The following SDK1 variants were observed in gnomAD, a reference collection of about 807,000 sequenced individuals.
SDK1 encodes protein sidekick-1.
A neutral mutation model predicts 245.5 loss-of-function variants in SDK1; 157 were observed. That is an observed-to-expected ratio of 0.64 (90% CI 0.56 to 0.73). The LOEUF is 0.73. SDK1 is among the 30% of genes least tolerant of loss of function. The probability of loss-of-function intolerance (pLI) is 0.00; values close to 1 mark genes in which losing one functional copy is unlikely to be tolerated. For missense variants in SDK1, 3,583 were observed against 3,002.3 expected, an observed-to-expected ratio of 1.19 and a Z score of -4.52; for synonymous variants, 1,647 against 1,278.5, an observed-to-expected ratio of 1.29 and a Z score of -6.15.
chr7:3,350,973 G>A (rs1390680878), intron 1 of SDK1, among the ~76,000 whole-genome samples: 1 of 152,170 alleles, frequency 6.6e-6, no homozygotes, highest in Non-Finnish European at 1.5e-5. Flanking sequence ...AGTGACATCT[G>A]GTTGCCCCAA....
At chr7:3,827,302 A>G (rs530217727) in intron 5 of SDK1, among the ~76,000 whole-genome samples, 14 of 152,176 alleles carry the variant, frequency 9.2e-5, no homozygotes, top group African/African-American at 1.2e-4. Context: ...CAGTCCTTTC[A>G]TATTCACATT....
chr7:4,109,838 G>A (rs1163222108), intron 22 of SDK1, among the ~76,000 whole-genome samples: 4 of 152,168 alleles, frequency 2.6e-5, no homozygotes, highest in Non-Finnish European at 4.4e-5. Context: ...GGTGGGGCTC[G>A]GGGTCAGATT....
chr7:3,403,827 A>ATATATATATG (rs1778956958), intron 1 of SDK1, among the ~76,000 whole-genome samples: 2 of 12,310 alleles, frequency 1.6e-4, no homozygotes, highest in East Asian at 4.8e-3. Flanking sequence ...TATCTTACAT[A>ATATATATATG]TATATATATA....
rs560234015 is a variant in SDK1 at position 3,913,198 on chromosome 7, C to T, written c.848-37725C>T. On this transcript the variant is annotated intron_variant, in intron 5 of 44. Transcript: ENST00000404826. ...ATGGAAATGCCTCCAGCTCCTGGCTCGCGCTAAGCGTACCTGGTTCTCTAG... is the reference window on the plus strand; with the variant it reads ...ATGGAAATGCCTCCAGCTCCTGGCTTGCGCTAAGCGTACCTGGTTCTCTAG... Among the ~76,000 whole-genome samples the T allele has an allele frequency of 1.1e-4, 16 of 152,248 alleles. No homozygotes were observed. In the South Asian group the frequency reaches 1.9e-3, roughly 18 times the overall value.
chr7:3,905,382 A>AG lies in SDK1; in HGVS notation c.848-45539dup, dbSNP rs571335204. Among the ~76,000 whole-genome samples, 330 of 152,310 alleles carry AG rather than the reference A, an allele frequency of 2.2e-3. 2 individuals carry two copies. The highest frequency in any genetic ancestry group is 4.3e-3 in the Admixed American group (66 of 15,304). ...ATAGTCTGGATGTATATAAAACTCTAGGTTGATATTTCACTTTCTTTCAAT... is the reference window on the plus strand; with the variant it reads ...ATAGTCTGGATGTATATAAAACTCTAGGGTTGATATTTCACTTTCTTTCAAT... On this transcript the variant is annotated intron_variant, in intron 5 of 44. Transcript: ENST00000404826.
chr7:4,238,428 G>A (rs951302500), intron 42 of SDK1, among the ~76,000 whole-genome samples: 2 of 152,024 alleles, frequency 1.3e-5, no homozygotes, highest in Non-Finnish European at 2.9e-5. Flanking sequence ...TCTGGGAATG[G>A]TGGCTTATGC....
At chr7:4,146,007 G>C (rs1779949095) in intron 29 of SDK1, 91 bp downstream of exon 29, 1 of 1,156,042 alleles carries the variant, frequency 8.7e-7, no homozygotes, top group Admixed American at 2.5e-5. Flanking sequence ...TACCTGGGAG[G>C]CTTCGGCCTT....
At chr7:3,931,716 A>G (rs1443165793) in intron 5 of SDK1, among the ~76,000 whole-genome samples, 1 of 152,120 alleles carries the variant, frequency 6.6e-6, no homozygotes, top group African/African-American at 2.4e-5. Flanking sequence ...CAAAGTGCCT[A>G]GTTTTTTTCT....
intron 19 of SDK1, among the ~76,000 whole-genome samples, chr7:4,056,742 G>C (rs920813341): frequency 2.4e-4 from 36 of 152,202 alleles, no homozygotes; most frequent in African/African-American, 8.4e-4. Context: ...CCACACGCCC[G>C]AGCCCAGAGC....
chr7:3,961,081 A>G (rs1237065620), intron 8 of SDK1, among the ~76,000 whole-genome samples: 4 of 152,342 alleles, frequency 2.6e-5, no homozygotes, highest in East Asian at 3.9e-4. Flanking sequence ...CTGCAGGGTA[A>G]ACTGCTTGTT....
intron 4 of SDK1, among the ~76,000 whole-genome samples, chr7:3,767,722 C>T (rs552380294): frequency 6.6e-6 from 1 of 152,134 alleles, no homozygotes; most frequent in Non-Finnish European, 1.5e-5. Flanking sequence ...TGAACCCAGG[C>T]TGTCTGAATC....
At chr7:3,551,344 GT>G (rs1160006712) in intron 1 of SDK1, among the ~76,000 whole-genome samples, 1 of 152,086 alleles carries the variant, frequency 6.6e-6, no homozygotes, top group Non-Finnish European at 1.5e-5. Context: ...AATTTTTAAT[GT>G]TCATATGTTA....
intron 4 of SDK1, among the ~76,000 whole-genome samples, chr7:3,729,937 A>G (rs1350015060): frequency 6.6e-6 from 1 of 151,994 alleles, no homozygotes; most frequent in Non-Finnish European, 1.5e-5. Context: ...TGGATTTAGT[A>G]ACATATCTCG....
At chr7:3,356,805 C>G (rs993877165) in intron 1 of SDK1, among the ~76,000 whole-genome samples, 9 of 152,046 alleles carry the variant, frequency 5.9e-5, no homozygotes, top group Non-Finnish European at 1.2e-4. Flanking sequence ...TGCCTGTAAT[C>G]CCAGCACTTT....
chr7:3,958,841 T>A, intron 7 of SDK1, 90 bp from the exon 8 acceptor site: 1 of 1,026,572 alleles, frequency 9.7e-7, no homozygotes, highest in Non-Finnish European at 1.5e-6. Flanking sequence ...AAGAATGGTT[T>A]TTAAGAGGAG....
At chr7:3,823,139 C>T (rs754370734) in intron 5 of SDK1, among the ~76,000 whole-genome samples, 88 of 151,808 alleles carry the variant, frequency 5.8e-4, no homozygotes, top group Non-Finnish European at 9.3e-4. Context: ...TGTACTGTGA[C>T]GTAAAGGAGT....
Position 4,220,189 on chromosome 7 carries a change from A to G in SDK1, c.5620A>G (p.Thr1874Ala). ...GGTGCGGGACCTCACCAAGGGAGTG[A>G]CCTATTTCTTCCGTGTCCAAGCGCG... ...LKVRDLTKGV[T>A]YFFRVQARTI... Residue 1874 changes from threonine (T) to alanine (A), a missense_variant, in exon 39 of 45, where the codon ACC becomes GCC. Thr to Ala is a moderately conservative substitution (Grantham distance 58). Transcript: ENST00000404826. The G allele has an allele frequency of 1.2e-6, 2 of 1,613,964 alleles. No individual in the cohort carries two copies. The highest frequency in any genetic ancestry group is 1.7e-6 in the Non-Finnish European group (2 of 1,179,994).
chr7:3,761,562 A>AT (rs1408430998), intron 4 of SDK1, among the ~76,000 whole-genome samples: 10 of 151,312 alleles, frequency 6.6e-5, no homozygotes, highest in African/African-American at 2.4e-4. Context: ...TCAAAAAAAA[A>AT]AAAAATAATA....
intron 4 of SDK1, among the ~76,000 whole-genome samples, chr7:3,724,099 G>C (rs1366304342): frequency 6.6e-6 from 1 of 151,916 alleles, no homozygotes; most frequent in Non-Finnish European, 1.5e-5. Context: ...AAGTAGCTGG[G>C]ATTACAGGCG....
Sources: gnomAD v4.1 joint callset for allele counts (sites outside exome capture counted in the v4.1 genomes callset) on GRCh38, gnomAD v4.1.1 for gene constraint, MANE v1.5 for transcripts, NCBI Gene and HGNC (gene_info 2026-07-23, HGNC 2026-07-21) for gene names.